Variants in DLG1 observed in about 807,000 individuals in gnomAD.
DLG1 encodes disks large homolog 1.
Under a neutral mutation model 123.4 loss-of-function variants are expected in DLG1, and 42 were observed. The ratio of observed to expected loss-of-function variants is 0.34; its 90% CI spans 0.27 to 0.44. DLG1 has a LOEUF of 0.44. Among genes scored for constraint, DLG1 ranks in the 20% least tolerant of loss-of-function variants. The probability of loss-of-function intolerance (pLI) is 1.00; values close to 1 mark genes in which losing one functional copy is unlikely to be tolerated. For missense variants in DLG1, 942 were observed against 1,082.6 expected (o/e 0.87, Z 1.82); for synonymous variants, 317 against 356.2 (o/e 0.89, Z 1.24).
At chr3:197,116,335 A>C (rs1056692183) in intron 12 of DLG1, among the ~76,000 whole-genome samples, 1 of 152,142 alleles carries the variant, frequency 6.6e-6, no homozygotes, top group Non-Finnish European at 1.5e-5. Flanking sequence ...CAGAAAAAAA[A>C]CGTGGAAATT....
In DLG1 at chr3:197,064,257, G is replaced by A. The variant is rs187157240; in HGVS notation, c.2373+1019C>T. Among the ~76,000 whole-genome samples the A allele has an allele frequency of 1.8e-3, 271 of 148,620 alleles. 2 individuals are homozygous for A. Among genetic ancestry groups the A allele is most frequent in the African/African-American group, 6.3e-3 (254 of 40,168 alleles). On this transcript the variant is annotated intron_variant, in intron 22 of 24. Coordinates refer to ENST00000667157, the MANE Select transcript of DLG1 (RefSeq NM_001366207.1). ...CACCCAGGTTGGAGTGCAACGGCACGACCTCGGCTCACTGCAACCTCCACC... is the reference window on the plus strand; with the variant it reads ...CACCCAGGTTGGAGTGCAACGGCACAACCTCGGCTCACTGCAACCTCCACC...
intron 10 of DLG1, among the ~76,000 whole-genome samples, chr3:197,133,478 G>C (rs1159373310): frequency 2.6e-5 from 4 of 152,178 alleles, no homozygotes; most frequent in South Asian, 2.1e-4. Context: ...CATGAGTGGT[G>C]TTTTTTAGCC....
At chr3:197,156,561 A>T (rs1371901314) in intron 5 of DLG1, among the ~76,000 whole-genome samples, 1 of 152,188 alleles carries the variant, frequency 6.6e-6, no homozygotes, top group Non-Finnish European at 1.5e-5. Context: ...TACACAAGAG[A>T]CTCACTGTAG....
chr3:197,085,946 T>C (rs1456721940), intron 15 of DLG1, among the ~76,000 whole-genome samples, 190 bp from the exon 16 acceptor site: 1 of 150,980 alleles, frequency 6.6e-6, no homozygotes, highest in Non-Finnish European at 1.5e-5. Flanking sequence ...GCTATGAAAA[T>C]ACTGTATTGT....
chr3:197,253,870 A>AT (rs1755622102), intron 4 of DLG1, among the ~76,000 whole-genome samples: 7 of 151,888 alleles, frequency 4.6e-5, no homozygotes, highest in East Asian at 1.9e-4. Context: ...CATTATTATT[A>AT]TTTTTTTACA....
intron 4 of DLG1, among the ~76,000 whole-genome samples, chr3:197,212,776 C>A (rs1205440804): frequency 2.0e-5 from 3 of 152,200 alleles, no homozygotes; most frequent in Non-Finnish European, 4.4e-5. Context: ...AGGACTCCAA[C>A]ATATCTTTTT....
chr3:197,117,164 A>G (rs1002832298), intron 12 of DLG1, among the ~76,000 whole-genome samples: 7 of 152,202 alleles, frequency 4.6e-5, no homozygotes, highest in Non-Finnish European at 8.8e-5. Context: ...TGGCTATTAA[A>G]AAAACCACAA....
In DLG1 at chr3:197,271,046, CAA is replaced by C. The variant is rs1192029200; in HGVS notation, c.318+11631_318+11632del. Among the ~76,000 whole-genome samples the C allele has an allele frequency of 2.0e-5, 3 of 152,116 alleles. No individual in the cohort carries two copies. The South Asian group carries it at 6.2e-4, about 32-fold the overall frequency. On this transcript the variant is annotated intron_variant, in intron 4 of 24. Transcript: ENST00000667157. ...TAAGGAAGACTATTCTATCAGATTA[CAA>C]AAGACTAGAGACACTGTACCAGATT...
rs2151052495 is a variant in DLG1 at position 197,272,176 on chromosome 3, A to C, written c.318+10503T>G. Reference sequence around the variant, plus strand: ...AGATGCCAAATTGATTGTAGTATTCACATATTTATTCACCACTTAACATGC... The same window carrying C: ...AGATGCCAAATTGATTGTAGTATTCCCATATTTATTCACCACTTAACATGC... On this transcript the variant is annotated intron_variant, in intron 4 of 24. Coordinates refer to ENST00000667157, the MANE Select transcript of DLG1 (RefSeq NM_001366207.1). Among the ~76,000 whole-genome samples, 2 of 152,294 alleles carry C rather than the reference A, an allele frequency of 1.3e-5. 1 individual carries two copies. Among genetic ancestry groups the C allele is most frequent in the South Asian group, 4.1e-4 (2 of 4,830 alleles).
At chr3:197,259,188 G>A (rs978665808) in intron 4 of DLG1, among the ~76,000 whole-genome samples, 10 of 152,066 alleles carry the variant, frequency 6.6e-5, no homozygotes, top group African/African-American at 1.7e-4. Flanking sequence ...AAGCAACAAC[G>A]ACCCTGTTTT....
In DLG1 at chr3:197,042,891, A is replaced by ATTAT. The variant is rs1560251982; in HGVS notation, c.*1731_*1732insATAA. ...AAGAAAATGTTAGCTTGCAAAATATATTTTTTCTTTCAAAATTCAAGACAC... is the reference window on the plus strand; with the variant it reads ...AAGAAAATGTTAGCTTGCAAAATATATTATTTTTTTCTTTCAAAATTCAAGACAC... On this transcript the variant is annotated 3_prime_UTR_variant, in exon 25 of 25. Transcript: ENST00000667157. 6.6e-6 allele frequency: 1 copy of ATTAT among 152,010 alleles called. No individual in the cohort carries two copies. Among genetic ancestry groups the ATTAT allele is most frequent in the African/African-American group, 2.4e-5 (1 of 41,384 alleles). 9.4% of individuals were successfully genotyped at this position (152,010 alleles called of 1,614,324 possible).
intron 6 of DLG1, among the ~76,000 whole-genome samples, chr3:197,144,356 C>A (rs567503995): frequency 1.3e-5 from 2 of 152,230 alleles, no homozygotes; most frequent in East Asian, 3.9e-4. Context: ...GAACCAAAAC[C>A]CTTGGCCAAA....
chr3:197,268,155 A>T (rs1762474384), intron 4 of DLG1, among the ~76,000 whole-genome samples: 1 of 152,212 alleles, frequency 6.6e-6, no homozygotes, highest in Non-Finnish European at 1.5e-5. Context: ...CTCTAATACT[A>T]AAAATAGTAA....
chr3:197,150,558 A>G (rs1793365271), intron 5 of DLG1, among the ~76,000 whole-genome samples: 1 of 152,190 alleles, frequency 6.6e-6, no homozygotes, highest in African/African-American at 2.4e-5. Flanking sequence ...CTGCATATTT[A>G]AAGTTATGAA....
At chr3:197,181,291 T>C (rs941273525) in intron 5 of DLG1, among the ~76,000 whole-genome samples, 9 of 152,340 alleles carry the variant, frequency 5.9e-5, no homozygotes, top group East Asian at 1.9e-4. Context: ...GGCTTAGTCA[T>C]ATGGAATTAG....
intron 19 of DLG1, 98 bp downstream of exon 19, chr3:197,069,121 A>G (rs1741774514): frequency 5.6e-6 from 4 of 708,132 alleles, no homozygotes; most frequent in Non-Finnish European, 6.6e-6. Context: ...CGATCATATA[A>G]CTTCAGGTTT....
At chr3:197,208,274 T>C (rs933322156) in intron 4 of DLG1, among the ~76,000 whole-genome samples, 4 of 146,644 alleles carry the variant, frequency 2.7e-5, no homozygotes, top group Non-Finnish European at 4.6e-5. Flanking sequence ...GATGAGGACA[T>C]AGGAAAAACA....
chr3:197,191,394 G>T lies in DLG1; in HGVS notation c.483+3031C>A, dbSNP rs1044958621. ...ACAACGGAAAGCTGAGGTTTCATGA[G>T]ATTTAAAGAATAGGCTACATAAAAT... On this transcript the variant is annotated intron_variant, in intron 5 of 24. Transcript: ENST00000667157. Among the ~76,000 whole-genome samples the T allele has an allele frequency of 4.6e-5, 7 of 152,244 alleles. No individual in the cohort carries two copies. The East Asian group carries it at 1.2e-3, about 25-fold the overall frequency.
chr3:197,167,589 G>C (rs1802068759), intron 5 of DLG1, among the ~76,000 whole-genome samples: 1 of 152,156 alleles, frequency 6.6e-6, no homozygotes, highest in Non-Finnish European at 1.5e-5. Context: ...AACCCAAATT[G>C]AGTGATACAT....
Sources: allele counts gnomAD v4.1 joint callset (sites outside exome capture counted in the v4.1 genomes callset), GRCh38; gene constraint gnomAD v4.1.1; transcripts MANE v1.5; gene names NCBI Gene and HGNC (gene_info 2026-07-23, HGNC 2026-07-21).